The following CRYZ variants were observed in gnomAD, a reference collection of about 807,000 sequenced individuals.
The protein encoded by CRYZ is zeta-crystallin.
A neutral mutation model predicts 34.1 loss-of-function variants in CRYZ; 35 were observed. The observed-to-expected ratio is 1.03, with a 90% CI of 0.78 to 1.36. The LOEUF (loss-of-function observed/expected upper bound fraction) is 1.36. Among genes scored for constraint, CRYZ ranks in the 40% most tolerant of loss-of-function variants. The pLI, the probability that CRYZ is intolerant of heterozygous loss-of-function variation, is 0.00. For missense variants in CRYZ, 403 were observed against 391.8 expected, an observed-to-expected ratio of 1.03 and a Z score of -0.24; for synonymous variants, 137 against 136.5, an observed-to-expected ratio of 1.00 and a Z score of -0.03.
At chr1:74,717,772 G>A (rs1172637833) in intron 4 of CRYZ, among the ~76,000 whole-genome samples, 1 of 152,138 alleles carries the variant, frequency 6.6e-6, no homozygotes, top group Admixed American at 6.6e-5. Context: ...GATGCTTAAG[G>A]AATACCATGA....
intron 6 of CRYZ, among the ~76,000 whole-genome samples, chr1:74,709,125 G>C (rs1314695182): frequency 1.3e-5 from 2 of 152,108 alleles, no homozygotes; most frequent in Non-Finnish European, 2.9e-5. Context: ...ACTTTTTCAA[G>C]AAGTTTTGTG....
In CRYZ at chr1:74,705,785, T is replaced by C. The variant is rs1371589393; in HGVS notation, c.*511A>G. On this transcript the variant is annotated 3_prime_UTR_variant, in exon 9 of 9. Transcript: ENST00000340866. Reference sequence around the variant, plus strand: ...GGAAAATACTGAGAAAACTAATAAATTGTCCTGGATATTATTTATTCTTGC... The same window carrying C: ...GGAAAATACTGAGAAAACTAATAAACTGTCCTGGATATTATTTATTCTTGC... 6.6e-6 allele frequency: 1 copy of C among 152,094 alleles called. No individual in the cohort carries two copies. The highest frequency in any genetic ancestry group is 1.9e-4 in the East Asian group (1 of 5,186). 9.4% of individuals were successfully genotyped at this position (152,094 alleles called of 1,614,324 possible).
chr1:74,719,406 G>C, intron 3 of CRYZ, 34 bp from the exon 4 acceptor site: 1 of 1,575,800 alleles, frequency 6.3e-7, no homozygotes, highest in Non-Finnish European at 8.7e-7. Context: ...AATGCAGGAA[G>C]ACTAAACATA....
chr1:74,727,606 C>T (rs1647433307), intron 1 of CRYZ, among the ~76,000 whole-genome samples: 1 of 132,302 alleles, frequency 7.6e-6, no homozygotes, highest in Non-Finnish European at 1.5e-5. Context: ...ACTCCAGCCA[C>T]TGCACTGCAG....
At position 74,732,978 on chromosome 1, in the gene CRYZ, A is replaced by G. The variant is rs1027787271; in HGVS notation, c.-36T>C. 1.3e-5 allele frequency: 6 copies of G among 476,210 alleles called. No individual in the cohort carries two copies. Among genetic ancestry groups the G allele is most frequent in the African/African-American group, 9.9e-5 (5 of 50,372 alleles). 29.5% of individuals were successfully genotyped at this position (476,210 alleles called of 1,614,324 possible). On this transcript the variant is annotated 5_prime_UTR_variant, in exon 1 of 9. Transcript: ENST00000340866. Reference sequence around the variant, plus strand: ...TACCAGAATCTAGAGTGGGAATTAAAATCTGCGTGGGCTTCTTCAGATTCC... The same window carrying G: ...TACCAGAATCTAGAGTGGGAATTAAGATCTGCGTGGGCTTCTTCAGATTCC...
At chr1:74,722,679 G>A (rs949757067) in intron 3 of CRYZ, among the ~76,000 whole-genome samples, 23 of 151,846 alleles carry the variant, frequency 1.5e-4, no homozygotes, top group African/African-American at 5.1e-4. Context: ...AAACTGTATA[G>A]TGACCTTGCA....
chr1:74,721,122 T>C (rs277403), intron 3 of CRYZ, among the ~76,000 whole-genome samples: 151,735 of 152,294 alleles, frequency 1, 75,592 homozygotes, highest in Non-Finnish European at 1. Context: ...ATAAATGCCA[T>C]GAAATTAGCA....
rs1386943355 is a variant in CRYZ, at chr1:74,732,914, T to G, written c.-14+42A>C. On this transcript the variant is annotated intron_variant, in intron 1 of 8. Transcript: ENST00000340866. ...CCACTTGGACGAGCAGTGGGGAGAT[T>G]CGCTGTCTAAACAACTAAGGAGAGT... is the stretch of plus-strand genomic sequence containing the variant. The G allele has an allele frequency of 2.1e-5, 6 of 280,434 alleles. No homozygotes were observed. The South Asian group carries it at 3.3e-4, about 16-fold the overall frequency. The allele number at this position is 280,434 out of a possible 1,614,324, so 17.4% of individuals were successfully genotyped here. A position where few individuals can be genotyped will look rare whatever the true frequency, so the allele number is the denominator to read the frequency against.
At chr1:74,719,600 A>T (rs1647127740) in intron 3 of CRYZ, among the ~76,000 whole-genome samples, 1 of 151,768 alleles carries the variant, frequency 6.6e-6, no homozygotes, top group South Asian at 2.1e-4. Context: ...GGTTCAAGCA[A>T]TTCTCCTGCC....
chr1:74,707,231 T>A, intron 6 of CRYZ, 27 bp from the exon 7 acceptor site: 1 of 1,282,822 alleles, frequency 7.8e-7, no homozygotes, highest in Non-Finnish European at 1.1e-6. Context: ...AAATGTAGAG[T>A]AAGATAGCAA....
intron 4 of CRYZ, among the ~76,000 whole-genome samples, chr1:74,717,667 G>C (rs1256764443): frequency 1.3e-5 from 2 of 152,164 alleles, no homozygotes; most frequent in African/African-American, 2.4e-5. Flanking sequence ...AACTGCCCTT[G>C]AGATGTTTAA....
At chr1:74,709,205 A>G (rs1646969207) in intron 6 of CRYZ, among the ~76,000 whole-genome samples, 1 of 152,186 alleles carries the variant, frequency 6.6e-6, no homozygotes, top group South Asian at 2.1e-4. Flanking sequence ...GGAGAGACTT[A>G]AGCAGAAGGA....
Position 74,707,234 on chromosome 1 carries a change from G to T in CRYZ, c.631-30C>A, listed in dbSNP as rs541893836. 24 of 1,235,692 alleles carry T rather than the reference G, an allele frequency of 1.9e-5. No homozygotes were observed. The African/African-American group carries it at 2.6e-4, about 13-fold the overall frequency. 76.5% of individuals were successfully genotyped at this position (1,235,692 alleles called of 1,614,324 possible). On this transcript the variant is annotated intron_variant, in intron 6 of 8. Transcript: ENST00000340866. ...ATAATAAAAGAGAAATGTAGAGTAA[G>T]ATAGCAAGTGAAAAACTGTAAAATA... is the stretch of plus-strand genomic sequence containing the variant.
intron 1 of CRYZ, among the ~76,000 whole-genome samples, chr1:74,731,800 C>T (rs1031018973): frequency 6.6e-6 from 1 of 152,196 alleles, no homozygotes; most frequent in African/African-American, 2.4e-5. Context: ...AAACTTTAGC[C>T]TTTAGGTTTA....
chr1:74,706,898 C>T lies in CRYZ; in HGVS notation c.828+1G>A, dbSNP rs768193647. On this transcript the variant is annotated splice_donor_variant, in intron 8 of 8. Transcript: ENST00000340866. LOFTEE classifies it high-confidence loss of function. The stretch of plus-strand genomic sequence containing the variant: ...AAAATCAGAAGTACTTCTTTTCCTA[C>T]CTTGGTTGAGGAAAAGAGAGTAACT... The T allele has an allele frequency of 6.2e-7, 1 of 1,609,880 alleles. No individual in the cohort carries two copies. The highest frequency in any genetic ancestry group is 1.7e-5 in the Admixed American group (1 of 59,818).
intron 4 of CRYZ, 31 bp from the exon 5 acceptor site, chr1:74,714,661 T>C (rs368614504): frequency 2.5e-6 from 4 of 1,611,084 alleles, no homozygotes; most frequent in Non-Finnish European, 3.4e-6. Context: ...TACATCACCT[T>C]ATTTTTTGAA....
intron 6 of CRYZ, chr1:74,707,445 A>G (rs1474828353): frequency 3.8e-6 from 1 of 266,218 alleles, no homozygotes; most frequent in Non-Finnish European, 7.0e-6. Context: ...AGTGAAATAA[A>G]GTTTGTCTGG....
chr1:74,717,021 G>A (rs1647086420), intron 4 of CRYZ, among the ~76,000 whole-genome samples: 1 of 152,028 alleles, frequency 6.6e-6, no homozygotes, highest in East Asian at 1.9e-4. Context: ...TGTGAAAAGT[G>A]ACGCAATCAC....
At chr1:74,726,077 T>C (rs1647321594) in intron 1 of CRYZ, among the ~76,000 whole-genome samples, 1 of 152,188 alleles carries the variant, frequency 6.6e-6, no homozygotes, top group Admixed American at 6.6e-5. Flanking sequence ...CTGCAGCCTT[T>C]CCAGGCACAC....
Sources: gnomAD v4.1 joint callset for allele counts (sites outside exome capture counted in the v4.1 genomes callset) on GRCh38, gnomAD v4.1.1 for gene constraint, MANE v1.5 for transcripts, NCBI Gene and HGNC (gene_info 2026-07-23, HGNC 2026-07-21) for gene names.